The following NCALD variants were observed in gnomAD, a reference collection of about 807,000 sequenced individuals.
The protein encoded by NCALD is neurocalcin-delta.
In NCALD, 10 loss-of-function variants were observed where a neutral mutation model predicts 18.6. That is an observed-to-expected ratio of 0.54 (90% CI 0.33 to 0.91). The LOEUF is 0.91. Among genes scored for constraint, NCALD ranks in the 40% least tolerant of loss-of-function variants. The probability of loss-of-function intolerance (pLI) is 0.03; values close to 1 mark genes in which losing one functional copy is unlikely to be tolerated. For synonymous variants in NCALD, 88 were observed against 87.4 expected, an observed-to-expected ratio of 1.01 and a Z score of -0.04; for missense variants, 184 against 247.6, an observed-to-expected ratio of 0.74 and a Z score of 1.72.
At chr8:101,877,319 C>G (rs77254145) in intron 4 of NCALD, among the ~76,000 whole-genome samples, 8,652 of 152,206 alleles carry the variant, frequency 0.057, 384 homozygotes, top group East Asian at 0.24. Context: ...TTAGGGTGAG[C>G]TGCTAACTAA....
chr8:101,757,660 G>A (rs1246075340), intron 1 of NCALD, among the ~76,000 whole-genome samples: 1 of 151,950 alleles, frequency 6.6e-6, no homozygotes, highest in Non-Finnish European at 1.5e-5. Context: ...GTTCTAGATG[G>A]TAGGGTTTTT....
At chr8:101,691,112 G>A (rs1377980989) in intron 3 of NCALD, 2 of 985,342 alleles carry the variant, frequency 2.0e-6, no homozygotes, top group Non-Finnish European at 2.4e-6. Context: ...CTCTCGGCAG[G>A]GAGGGGTGCA....
intron 3 of NCALD, among the ~76,000 whole-genome samples, chr8:101,906,048 A>G (rs1817600566): frequency 6.6e-6 from 1 of 152,184 alleles, no homozygotes; most frequent in Admixed American, 6.5e-5. Context: ...TCACAAACTC[A>G]TTGTTTGCTT....
intron 1 of NCALD, among the ~76,000 whole-genome samples, chr8:102,112,040 A>T (rs1174455262): frequency 6.6e-6 from 1 of 152,258 alleles, no homozygotes; most frequent in African/African-American, 2.4e-5. Context: ...TGAAATGTTT[A>T]TAAAAACAAA....
chr8:102,005,113 A>T (rs1173988176), intron 2 of NCALD, among the ~76,000 whole-genome samples: 12 of 152,134 alleles, frequency 7.9e-5, no homozygotes, highest in Non-Finnish European at 1.6e-4. Context: ...ATGGGAGAAA[A>T]TTTTTGCAAT....
chr8:102,054,643 T>A (rs1025147139), intron 1 of NCALD, among the ~76,000 whole-genome samples: 5 of 150,632 alleles, frequency 3.3e-5, no homozygotes, highest in Non-Finnish European at 7.4e-5. Context: ...ATCTGATATG[T>A]CTCTCTCTTT....
At chr8:101,785,195 T>G (rs1017935658) in intron 1 of NCALD, among the ~76,000 whole-genome samples, 1 of 152,222 alleles carries the variant, frequency 6.6e-6, no homozygotes, top group African/African-American at 2.4e-5. Context: ...AAAAGAACTT[T>G]GAAGACTATC....
At chr8:101,804,497 ATAAT>A (rs1477515239) in intron 4 of NCALD, among the ~76,000 whole-genome samples, 1 of 116,008 alleles carries the variant, frequency 8.6e-6, no homozygotes. Context: ...TATAATTAAT[ATAAT>A]TAATTATATA....
intron 1 of NCALD, among the ~76,000 whole-genome samples, chr8:101,775,750 A>G (rs376299857): frequency 8.2e-4 from 125 of 152,194 alleles, no homozygotes; most frequent in African/African-American, 3.0e-3. Flanking sequence ...TCATGCAGCC[A>G]TTTCTCTCCT....
chr8:101,881,052 T>G (rs935769096), intron 4 of NCALD, among the ~76,000 whole-genome samples: 13 of 152,218 alleles, frequency 8.5e-5, no homozygotes, highest in African/African-American at 3.1e-4. Context: ...TTGGCTCATT[T>G]GAACTACATG....
intron 2 of NCALD, among the ~76,000 whole-genome samples, chr8:101,984,943 C>A (rs1434831179): frequency 6.6e-6 from 1 of 152,280 alleles, no homozygotes; most frequent in Admixed American, 6.5e-5. Flanking sequence ...AGCTGGAATA[C>A]CTCCCATGGA....
intron 2 of NCALD, among the ~76,000 whole-genome samples, chr8:101,701,807 A>C (rs1337239765): frequency 6.6e-6 from 1 of 152,238 alleles, no homozygotes; most frequent in African/African-American, 2.4e-5. Flanking sequence ...GAAGTTTGGC[A>C]GCACCTGGTT....
intron 1 of NCALD, among the ~76,000 whole-genome samples, chr8:102,057,896 A>G (rs1823709775): frequency 6.6e-6 from 1 of 152,250 alleles, no homozygotes; most frequent in Non-Finnish European, 1.5e-5. Flanking sequence ...TTTTAATACA[A>G]TAAAATATTC....
intron 2 of NCALD, among the ~76,000 whole-genome samples, chr8:101,989,578 A>G (rs1286924171): frequency 6.6e-6 from 1 of 152,236 alleles, no homozygotes. Context: ...AAAACCCAGA[A>G]CACTGACTCT....
At chr8:101,872,506 T>C in intron 4 of NCALD, 2 of 747,324 alleles carry the variant, frequency 2.7e-6, no homozygotes, top group South Asian at 1.4e-5. Context: ...GCCCTTCTTG[T>C]CTAAGATGTC....
At chr8:101,922,460 A>G (rs573363431) in intron 2 of NCALD, among the ~76,000 whole-genome samples, 15 of 152,372 alleles carry the variant, frequency 9.8e-5, no homozygotes, top group African/African-American at 3.1e-4. Context: ...GTTCCCAGCA[A>G]TTAATGAGAA....
At chr8:101,725,475 G>T (rs975056875) in intron 1 of NCALD, among the ~76,000 whole-genome samples, 4 of 152,140 alleles carry the variant, frequency 2.6e-5, no homozygotes, top group African/African-American at 9.7e-5. Context: ...CTTTCAAACT[G>T]TTCATGTGAC....
At chr8:101,744,197 C>T (rs774432188) in intron 1 of NCALD, among the ~76,000 whole-genome samples, 1 of 152,188 alleles carries the variant, frequency 6.6e-6, no homozygotes, top group Non-Finnish European at 1.5e-5. Flanking sequence ...GACTCCAGTC[C>T]AGCCCCCTCA....
At chr8:102,058,630 C>T (rs143320253) in intron 1 of NCALD, among the ~76,000 whole-genome samples, 27 of 152,330 alleles carry the variant, frequency 1.8e-4, no homozygotes, top group African/African-American at 4.3e-4. Context: ...GGCCTTGGCA[C>T]AGTTACACTG....
Sources: allele counts gnomAD v4.1 joint callset (sites outside exome capture counted in the v4.1 genomes callset), GRCh38; gene constraint gnomAD v4.1.1; transcripts MANE v1.5; gene names NCBI Gene and HGNC (gene_info 2026-07-23, HGNC 2026-07-21).